GALM: variants seen among roughly 807,000 people sequenced by gnomAD.
The protein encoded by GALM is aldose 1-epimerase.
A neutral mutation model predicts 37.4 loss-of-function variants in GALM; 43 were observed. The ratio of observed to expected loss-of-function variants is 1.15; its 90% CI spans 0.90 to 1.48. GALM has a LOEUF of 1.48. GALM is among the 40% of genes most tolerant of loss of function. The pLI is 0.00. For missense variants in GALM, 456 were observed against 419.1 expected (o/e 1.09, Z -0.77); for synonymous variants, 199 against 170.6 (o/e 1.17, Z -1.30).
chr2:38,666,418 G>GATC, intron 1 of GALM, 67 bp downstream of exon 1: 2 of 1,263,834 alleles, frequency 1.6e-6, no homozygotes, highest in Non-Finnish European at 2.2e-6. Context: ...CCCGGATCTA[G>GATC]CGGGCCACTT....
chr2:38,729,619 A>C lies in GALM; in HGVS notation c.698A>C (p.His233Pro). ...DLRKPVELGK[H>P]LQDFHLNGFD... ...AGAAAGCCAGTGGAGCTTGGAAAAC[A>C]CCTGCAGGACTTCCATCTCAATGGT... The change falls in exon 5 of 7, where the codon CAC becomes CCC. Residue 233 changes from histidine (H) to proline (P), a missense_variant. Physicochemically the swap from His to Pro is moderately conservative, Grantham distance 77 (BLOSUM62 -2). Coordinates refer to ENST00000272252, the MANE Select transcript of GALM (RefSeq NM_138801.3). The C allele has an allele frequency of 6.2e-7, 1 of 1,613,280 alleles. No individual in the cohort carries two copies.
chr2:38,712,342 T>C (rs1444077931), intron 4 of GALM, among the ~76,000 whole-genome samples: 1 of 152,216 alleles, frequency 6.6e-6, no homozygotes, highest in Non-Finnish European at 1.5e-5. Context: ...TCCCTGAGCC[T>C]GTAGTCTTGT....
chr2:38,723,934 T>G (rs1666431737), intron 4 of GALM, among the ~76,000 whole-genome samples: 1 of 152,218 alleles, frequency 6.6e-6, no homozygotes, highest in Non-Finnish European at 1.5e-5. Context: ...TTCTCTCTTT[T>G]TTTGAGACTC....
At chr2:38,709,923 C>T (rs1169484435) in intron 4 of GALM, among the ~76,000 whole-genome samples, 2 of 152,178 alleles carry the variant, frequency 1.3e-5, no homozygotes, top group African/African-American at 4.8e-5. Flanking sequence ...TTGACTGACT[C>T]TTCTGAGCCC....
chr2:38,708,826 T>G (rs933943449), intron 4 of GALM, among the ~76,000 whole-genome samples: 31 of 152,098 alleles, frequency 2.0e-4, no homozygotes, highest in South Asian at 6.2e-4. Context: ...TAACAGTTTT[T>G]TTTGTTTGTT....
At chr2:38,692,394 A>T (rs1228168405) in intron 4 of GALM, among the ~76,000 whole-genome samples, 2 of 152,134 alleles carry the variant, frequency 1.3e-5, no homozygotes, top group East Asian at 3.9e-4. Flanking sequence ...ACAAATCTCT[A>T]GGAGCCCAGA....
chr2:38,713,509 A>G (rs914665286), intron 4 of GALM, among the ~76,000 whole-genome samples: 1 of 152,120 alleles, frequency 6.6e-6, no homozygotes, highest in African/African-American at 2.4e-5. Flanking sequence ...AAGTGTCTCA[A>G]ACCTTAGTGA....
intron 4 of GALM, among the ~76,000 whole-genome samples, chr2:38,718,131 C>T (rs1268709980): frequency 6.6e-6 from 1 of 151,656 alleles, no homozygotes; most frequent in Non-Finnish European, 1.5e-5. Flanking sequence ...GCCACTGCCC[C>T]CAGCCAGAAG....
Position 38,731,757 on chromosome 2 carries a change from C to T in GALM, c.799C>T (p.Arg267Trp), listed in dbSNP as rs1229797646. The T allele has an allele frequency of 4.3e-6, 7 of 1,613,700 alleles. No homozygotes were observed. Among genetic ancestry groups the T allele is most frequent in the Non-Finnish European group, 5.9e-6 (7 of 1,179,728 alleles). Residue 267 changes from arginine (R) to tryptophan (W), a missense_variant, in exon 6 of 7, where the codon CGG (arginine) becomes TGG (tryptophan). Coordinates refer to ENST00000272252, the MANE Select transcript of GALM (RefSeq NM_138801.3). Reference protein sequence around the residue: ...CARVHHAASGRVLEVYTTQPG... With the variant: ...CARVHHAASGWVLEVYTTQPG... Reference sequence around the variant, plus strand: ...CAGGGTGCATCATGCTGCAAGCGGGCGGGTACTAGAAGTATACACCACCCA... The same window carrying T: ...CAGGGTGCATCATGCTGCAAGCGGGTGGGTACTAGAAGTATACACCACCCA...
intron 4 of GALM, among the ~76,000 whole-genome samples, chr2:38,727,477 C>T (rs112066395): frequency 0.044 from 6,668 of 151,966 alleles, 503 homozygotes; most frequent in African/African-American, 0.15. Flanking sequence ...GCCTGTAATC[C>T]CAGCCCTTTG....
chr2:38,680,295 T>A, intron 2 of GALM: 1 of 217,892 alleles, frequency 4.6e-6, no homozygotes, highest in South Asian at 5.1e-5. Context: ...GTGTTGGGAT[T>A]ACAGGCATGA....
At chr2:38,703,932 T>A (rs576797951) in intron 4 of GALM, among the ~76,000 whole-genome samples, 84 of 151,974 alleles carry the variant, frequency 5.5e-4, no homozygotes, top group African/African-American at 2.0e-3. Flanking sequence ...CAAGAATTGC[T>A]TTGAACCCAG....
At chr2:38,715,559 TC>T (rs1666253682) in intron 4 of GALM, among the ~76,000 whole-genome samples, 1 of 152,120 alleles carries the variant, frequency 6.6e-6, no homozygotes, top group South Asian at 2.1e-4. Context: ...CACCTCAACC[TC>T]CTGAGTAGCT....
At chr2:38,720,150 C>T (rs1422676225) in intron 4 of GALM, among the ~76,000 whole-genome samples, 1 of 151,940 alleles carries the variant, frequency 6.6e-6, no homozygotes, top group Non-Finnish European at 1.5e-5. Flanking sequence ...GAGGTCAAGC[C>T]TTCATTGAGC....
intron 1 of GALM, among the ~76,000 whole-genome samples, chr2:38,667,561 C>T (rs1301046370): frequency 6.6e-6 from 1 of 151,766 alleles, no homozygotes; most frequent in Non-Finnish European, 1.5e-5. Context: ...CAGAGCGAAA[C>T]TCTATCTTAA....
In GALM at chr2:38,734,657, A is replaced by G. The variant is rs1666673030; in HGVS notation, c.*1092A>G. 6.7e-6 allele frequency: 1 copy of G among 149,754 alleles called. No individual in the cohort carries two copies. The highest frequency in any genetic ancestry group is 2.2e-4 in the South Asian group (1 of 4,646). 9.3% of individuals were successfully genotyped at this position (149,754 alleles called of 1,614,324 possible). Reference sequence around the variant, plus strand: ...GGGCTCCTTCTTTCCTAGACAATCAAAGTATCAGTGATGGGTTTTGGTTGG... The same window carrying G: ...GGGCTCCTTCTTTCCTAGACAATCAGAGTATCAGTGATGGGTTTTGGTTGG... On this transcript the variant is annotated 3_prime_UTR_variant, in exon 7 of 7. Transcript: ENST00000272252.
intron 4 of GALM, among the ~76,000 whole-genome samples, chr2:38,694,449 C>T (rs969356009): frequency 2.0e-5 from 3 of 151,078 alleles, no homozygotes; most frequent in African/African-American, 7.3e-5. Context: ...TACTTTTCTG[C>T]AAAGAAAACA....
rs182798482 is a variant in GALM, at chr2:38,733,763, C to T, written c.*198C>T. On this transcript the variant is annotated 3_prime_UTR_variant, in exon 7 of 7. Coordinates refer to ENST00000272252, the MANE Select transcript of GALM (RefSeq NM_138801.3). ...TCCAGGCCATGTCTAATGACCAGCT[C>T]GATTCCCTGTGCAGTTCAGAGGGCA... 3.0e-5 allele frequency: 17 copies of T among 574,776 alleles called. No homozygotes were observed. The highest frequency in any genetic ancestry group is 2.0e-4 in the Admixed American group (8 of 39,890). The allele number at this position is 574,776 out of a possible 1,614,324, so 35.6% of individuals were successfully genotyped here.
chr2:38,729,957 TTC>T (rs1383748481), intron 5 of GALM, among the ~76,000 whole-genome samples: 1 of 152,138 alleles, frequency 6.6e-6, no homozygotes, highest in African/African-American at 2.4e-5. Flanking sequence ...AAGGCCCATT[TTC>T]TGTTAGAAGC....
Sources: gnomAD v4.1 joint callset for allele counts (sites outside exome capture counted in the v4.1 genomes callset) on GRCh38, gnomAD v4.1.1 for gene constraint, MANE v1.5 for transcripts, NCBI Gene and HGNC (gene_info 2026-07-23, HGNC 2026-07-21) for gene names.